The following CUX1 variants were observed in gnomAD, a reference collection of about 807,000 sequenced individuals.
The protein encoded by CUX1 is cut like homeobox 1.
A neutral mutation model predicts 158.8 loss-of-function variants in CUX1; 31 were observed. That is an observed-to-expected ratio of 0.20 (90% CI 0.15 to 0.26). The LOEUF is 0.26. Ranked by LOEUF, CUX1 falls within the 10% of genes least tolerant of loss-of-function variation. CUX1 has a pLI of 1.00. For synonymous variants in CUX1, 879 were observed against 862.1 expected (o/e 1.02, Z -0.34); for missense variants, 1,589 against 2,014.6 (o/e 0.79, Z 4.04).
At chr7:101,898,205 C>G (rs1003319661) in intron 1 of CUX1, among the ~76,000 whole-genome samples, 1 of 152,096 alleles carries the variant, frequency 6.6e-6, no homozygotes, top group Admixed American at 6.5e-5. Context: ...GTAACTGGAT[C>G]TAAGTCTCAA....
intron 10 of CUX1, among the ~76,000 whole-genome samples, chr7:102,173,859 C>T (rs1368764459): frequency 2.0e-5 from 3 of 152,136 alleles, no homozygotes; most frequent in Non-Finnish European, 2.9e-5. Flanking sequence ...TCCCCGCGGG[C>T]GTGTATTCCC....
At chr7:102,099,364 C>G (rs1053286111) in intron 5 of CUX1, among the ~76,000 whole-genome samples, 10 of 152,236 alleles carry the variant, frequency 6.6e-5, no homozygotes, top group Non-Finnish European at 1.2e-4. Flanking sequence ...ATTACCTTCC[C>G]TTGTAGGAAG....
At chr7:102,019,168 T>G (rs1295354781) in intron 2 of CUX1, among the ~76,000 whole-genome samples, 2 of 152,160 alleles carry the variant, frequency 1.3e-5, no homozygotes, top group African/African-American at 4.8e-5. Flanking sequence ...GCATTGCCAC[T>G]TAGATAACCG....
chr7:102,018,823 C>T (rs1397459188), intron 2 of CUX1, among the ~76,000 whole-genome samples: 1 of 152,216 alleles, frequency 6.6e-6, no homozygotes, highest in Non-Finnish European at 1.5e-5. Flanking sequence ...CAGGAACACA[C>T]AAACACACGA....
At chr7:101,883,383 G>T (rs1249797043) in intron 1 of CUX1, among the ~76,000 whole-genome samples, 1 of 152,100 alleles carries the variant, frequency 6.6e-6, no homozygotes. Flanking sequence ...GCTTGCCTGA[G>T]ATTTTCATCA....
At chr7:102,220,954 G>T (rs1554526732) in intron 20 of CUX1, among the ~76,000 whole-genome samples, 1 of 152,078 alleles carries the variant, frequency 6.6e-6, no homozygotes, top group East Asian at 1.9e-4. Flanking sequence ...CAAGCGATCT[G>T]CCCACCTCGG....
chr7:102,025,238 G>A (rs149000279), intron 2 of CUX1, among the ~76,000 whole-genome samples: 6 of 152,260 alleles, frequency 3.9e-5, no homozygotes, highest in African/African-American at 1.2e-4. Context: ...TTTTACCATT[G>A]CAATCTAACA....
At chr7:101,859,719 C>T (rs1797233584) in intron 1 of CUX1, among the ~76,000 whole-genome samples, 1 of 152,120 alleles carries the variant, frequency 6.6e-6, no homozygotes, top group Non-Finnish European at 1.5e-5. Context: ...TCTTATTGAG[C>T]AATGGTGCTT....
At chr7:102,003,055 C>T (rs1816885606) in intron 2 of CUX1, among the ~76,000 whole-genome samples, 1 of 152,054 alleles carries the variant, frequency 6.6e-6, no homozygotes, top group African/African-American at 2.4e-5. Flanking sequence ...GTGCTTGCCA[C>T]CACACCCAGC....
At chr7:102,016,340 T>G (rs1255031773) in intron 2 of CUX1, among the ~76,000 whole-genome samples, 2 of 152,188 alleles carry the variant, frequency 1.3e-5, no homozygotes, top group Non-Finnish European at 2.9e-5. Context: ...ATTTGACTCA[T>G]GTCTCACCTG....
At chr7:102,041,964 A>G (rs532596767) in intron 3 of CUX1, among the ~76,000 whole-genome samples, 8 of 152,276 alleles carry the variant, frequency 5.3e-5, no homozygotes, top group African/African-American at 1.9e-4. Context: ...GAGCCTAAAG[A>G]CATTCTGCCC....
At chr7:101,890,847 A>T (rs1454305370) in intron 1 of CUX1, among the ~76,000 whole-genome samples, 1 of 152,026 alleles carries the variant, frequency 6.6e-6, no homozygotes, top group African/African-American at 2.4e-5. Context: ...CTCACTTTAC[A>T]CACTCATATG....
At chr7:102,149,366 G>A (rs1401666336) in intron 8 of CUX1, among the ~76,000 whole-genome samples, 9 of 152,042 alleles carry the variant, frequency 5.9e-5, no homozygotes, top group African/African-American at 9.7e-5. Flanking sequence ...ATTTCCTTCC[G>A]CCTCCCACTG....
intron 8 of CUX1, among the ~76,000 whole-genome samples, chr7:102,151,726 T>TA (rs1835690563): frequency 6.1e-5 from 2 of 33,048 alleles, no homozygotes; most frequent in Non-Finnish European, 9.7e-5. Context: ...AGACTCTGTC[T>TA]CAAAAAAAAA....
intron 1 of CUX1, among the ~76,000 whole-genome samples, chr7:101,849,792 C>A (rs1242047443): frequency 1.3e-5 from 2 of 152,130 alleles, no homozygotes; most frequent in Non-Finnish European, 2.9e-5. Flanking sequence ...TTTACACTCC[C>A]ACCAACCGTG....
At chr7:102,032,757 TCA>T (rs1820940656) in intron 3 of CUX1, among the ~76,000 whole-genome samples, 1 of 152,158 alleles carries the variant, frequency 6.6e-6, no homozygotes, top group East Asian at 1.9e-4. Flanking sequence ...AAAATGTAAC[TCA>T]CACTGAAATT....
At position 101,875,663 on chromosome 7, in the gene CUX1, C is replaced by T. The variant is rs369796609; in HGVS notation, c.31-40452C>T. Among the ~76,000 whole-genome samples the T allele has an allele frequency of 5.3e-5, 8 of 152,282 alleles. No individual in the cohort carries two copies. In the East Asian group the frequency reaches 5.8e-4, roughly 11 times the overall value. On this transcript the variant is annotated intron_variant, in intron 1 of 23. Coordinates refer to ENST00000292535, the MANE Select transcript of CUX1 (RefSeq NM_181552.4). ...CACCTCATCTGAATACCAGTCAGGACCTGAGACGCGTTGAGCCCCTCCCCA... is the reference window on the plus strand; with the variant it reads ...CACCTCATCTGAATACCAGTCAGGATCTGAGACGCGTTGAGCCCCTCCCCA...
chr7:102,239,671 G>A, intron 23 of CUX1, 87 bp downstream of exon 23: 1 of 1,484,374 alleles, frequency 6.7e-7, no homozygotes, highest in Non-Finnish European at 9.0e-7. Context: ...ACAGGGGTGA[G>A]GCTGGGGCCG....
chr7:102,014,953 C>T (rs1770436323), intron 2 of CUX1, among the ~76,000 whole-genome samples: 1 of 151,932 alleles, frequency 6.6e-6, no homozygotes, highest in Non-Finnish European at 1.5e-5. Flanking sequence ...AGGTGCCTTG[C>T]CAAGACCCTG....
Sources: allele counts gnomAD v4.1 joint callset (sites outside exome capture counted in the v4.1 genomes callset), GRCh38; gene constraint gnomAD v4.1.1; transcripts MANE v1.5; gene names NCBI Gene and HGNC (gene_info 2026-07-23, HGNC 2026-07-21).